SDK1: variants seen among roughly 807,000 people sequenced by gnomAD.
SDK1 encodes protein sidekick-1.
SDK1 carries 157 observed loss-of-function variants against 245.5 expected under a neutral mutation model. That is an observed-to-expected ratio of 0.64 (90% CI 0.56 to 0.73). The LOEUF (loss-of-function observed/expected upper bound fraction) is 0.73, where lower values mean the gene tolerates loss of function less well. SDK1 is among the 30% of genes least tolerant of loss of function. The pLI is 0.00. For missense variants in SDK1, 3,583 were observed against 3,002.3 expected (o/e 1.19, Z -4.52); for synonymous variants, 1,647 against 1,278.5 (o/e 1.29, Z -6.15).
At chr7:3,529,260 A>G (rs527427857) in intron 1 of SDK1, among the ~76,000 whole-genome samples, 1 of 152,204 alleles carries the variant, frequency 6.6e-6, no homozygotes, top group Non-Finnish European at 1.5e-5. Flanking sequence ...ATCACTTATC[A>G]GCAGTGAGTT....
intron 25 of SDK1, 35 bp downstream of exon 25, chr7:4,114,309 G>T: frequency 6.6e-7 from 1 of 1,511,162 alleles, no homozygotes; most frequent in Non-Finnish European, 9.0e-7. Flanking sequence ...TGGAGACACC[G>T]CATTAGAGAT....
intron 19 of SDK1, among the ~76,000 whole-genome samples, chr7:4,063,270 A>G (rs1779654441): frequency 6.6e-6 from 1 of 152,234 alleles, no homozygotes; most frequent in South Asian, 2.1e-4. Context: ...TACAATAGCA[A>G]CACACAAAAA....
intron 28 of SDK1, among the ~76,000 whole-genome samples, chr7:4,140,240 C>G (rs148711121): frequency 6.6e-6 from 1 of 152,256 alleles, no homozygotes; most frequent in East Asian, 1.9e-4. Context: ...CTCTGGCCCC[C>G]GCTGCATAGC....
chr7:3,966,575 T>C (rs566043995), intron 9 of SDK1, among the ~76,000 whole-genome samples: 42 of 152,296 alleles, frequency 2.8e-4, no homozygotes, highest in African/African-American at 8.9e-4. Flanking sequence ...GAAATGTATC[T>C]TTATGGAGGT....
intron 1 of SDK1, among the ~76,000 whole-genome samples, chr7:3,394,301 T>C (rs973932092): frequency 3.3e-5 from 5 of 152,158 alleles, no homozygotes; most frequent in African/African-American, 1.2e-4. Context: ...GTATTATCTA[T>C]TCCCTAGTGT....
chr7:3,847,417 T>C (rs1780307898), intron 5 of SDK1, among the ~76,000 whole-genome samples: 1 of 152,246 alleles, frequency 6.6e-6, no homozygotes, highest in African/African-American at 2.4e-5. Flanking sequence ...TTATTTAGTA[T>C]TTACCGAGGC....
In SDK1 at chr7:4,241,869, C is replaced by T; in HGVS notation, c.6207C>T (p.Arg2069=). 6.2e-7 allele frequency: 1 copy of T among 1,614,104 alleles called. No individual in the cohort carries two copies. The highest frequency in any genetic ancestry group is 1.1e-5 in the South Asian group (1 of 91,086). Residue 2069 remains arginine, a synonymous_variant, in exon 43 of 45, where the codon CGC becomes CGT. Transcript: ENST00000404826. ...TTGCTGCCCTGGAGCTCAGCAGCCGCCACCTCAATGTCAAGAGCACCTTCT... is the reference window on the plus strand; with the variant it reads ...TTGCTGCCCTGGAGCTCAGCAGCCGTCACCTCAATGTCAAGAGCACCTTCT... ...GGFAALELSS[R]HLNVKSTFSK...
intron 1 of SDK1, among the ~76,000 whole-genome samples, chr7:3,455,080 G>C (rs902952946): frequency 6.6e-6 from 1 of 151,452 alleles, no homozygotes; most frequent in Non-Finnish European, 1.5e-5. Flanking sequence ...AATGGCTACT[G>C]GTGTTGGATA....
chr7:3,422,783 A>G (rs1419324249), intron 1 of SDK1, among the ~76,000 whole-genome samples: 1 of 152,200 alleles, frequency 6.6e-6, no homozygotes, highest in African/African-American at 2.4e-5. Flanking sequence ...GGGAGAGGAA[A>G]TGATACAAAT....
rs549546672 is a variant in SDK1 at position 3,713,184 on chromosome 7, C to G, written c.713+71079C>G. 4.6e-5 allele frequency among the ~76,000 whole-genome samples: 7 copies of G among 152,268 alleles called. No homozygotes were observed. In the South Asian group the frequency reaches 1.5e-3, roughly 32 times the overall value. On this transcript the variant is annotated intron_variant, in intron 4 of 44. Transcript: ENST00000404826. ...TAAGCACTTCCTTCAAAGCTGAGTC[C>G]GGCTGCTCAGCGAATTGATGGATGA...
In SDK1 at chr7:3,600,442, C is replaced by G. The variant is rs553807575; in HGVS notation, c.299-18638C>G. On this transcript the variant is annotated intron_variant, in intron 1 of 44. Coordinates refer to ENST00000404826, the MANE Select transcript of SDK1 (RefSeq NM_152744.4). ...TATTTTTATTCAGTGGCGAGACCTT[C>G]CTATACTATGTTGAATAGGAGTGAT... Among the ~76,000 whole-genome samples, 12 of 151,882 alleles carry G rather than the reference C, an allele frequency of 7.9e-5. No homozygotes were observed. The South Asian group carries it at 2.3e-3, about 29-fold the overall frequency.
At chr7:4,139,485 G>GTGTGTATA (rs1378182390) in intron 28 of SDK1, among the ~76,000 whole-genome samples, 2 of 148,168 alleles carry the variant, frequency 1.3e-5, no homozygotes, top group Non-Finnish European at 1.5e-5. Flanking sequence ...GTATATGTGT[G>GTGTGTATA]TGTATATATG....
At chr7:3,701,995 A>G (rs1434521830) in intron 4 of SDK1, among the ~76,000 whole-genome samples, 3 of 151,986 alleles carry the variant, frequency 2.0e-5, no homozygotes, top group Non-Finnish European at 2.9e-5. Flanking sequence ...TTATATAAAA[A>G]TTTACTTAAA....
At chr7:3,968,321 G>A (rs1192073851) in intron 10 of SDK1, among the ~76,000 whole-genome samples, 2 of 152,230 alleles carry the variant, frequency 1.3e-5, no homozygotes, top group Non-Finnish European at 2.9e-5. Flanking sequence ...AGCACACAGA[G>A]TCCATCCTGA....
chr7:3,895,529 A>G (rs1583524794), intron 5 of SDK1, among the ~76,000 whole-genome samples: 1 of 152,228 alleles, frequency 6.6e-6, no homozygotes, highest in Non-Finnish European at 1.5e-5. Flanking sequence ...AGCTGGAGAC[A>G]GTGTAGCCAT....
intron 5 of SDK1, among the ~76,000 whole-genome samples, chr7:3,926,121 C>T (rs1452565309): frequency 6.6e-6 from 1 of 152,102 alleles, no homozygotes; most frequent in African/African-American, 2.4e-5. Flanking sequence ...TGGATAAATC[C>T]CTTTTTGTGC....
At chr7:3,479,026 T>A (rs1781429617) in intron 1 of SDK1, among the ~76,000 whole-genome samples, 1 of 152,202 alleles carries the variant, frequency 6.6e-6, no homozygotes, top group African/African-American at 2.4e-5. Flanking sequence ...CTTAGAGGAC[T>A]TGAGGTGTAT....
chr7:3,869,407 C>T (rs146155297), intron 5 of SDK1, among the ~76,000 whole-genome samples: 7,017 of 152,118 alleles, frequency 0.046, 513 homozygotes, highest in African/African-American at 0.15. Context: ...CTGCCTGCCT[C>T]GGCCTCCCAA....
At chr7:3,839,298 G>A (rs1562481630) in intron 5 of SDK1, among the ~76,000 whole-genome samples, 1 of 152,094 alleles carries the variant, frequency 6.6e-6, no homozygotes, top group Non-Finnish European at 1.5e-5. Flanking sequence ...CATTAGGGTC[G>A]GTATTGAGAA....
Sources: allele counts gnomAD v4.1 joint callset (sites outside exome capture counted in the v4.1 genomes callset), GRCh38; gene constraint gnomAD v4.1.1; transcripts MANE v1.5; gene names NCBI Gene and HGNC (gene_info 2026-07-23, HGNC 2026-07-21).